UBA5: variants seen among roughly 807,000 people sequenced by gnomAD.
UBA5 encodes ubiquitin like modifier activating enzyme 5, also known as ubiquitin-like modifier-activating enzyme 5.
A neutral mutation model predicts 52.9 loss-of-function variants in UBA5; 28 were observed. The ratio of observed to expected loss-of-function variants is 0.53; its 90% CI spans 0.39 to 0.73. The LOEUF (loss-of-function observed/expected upper bound fraction) is 0.73. Among genes scored for constraint, UBA5 ranks in the 30% least tolerant of loss-of-function variants. UBA5 has a pLI of 0.00. For missense variants in UBA5, 388 were observed against 492.7 expected, an observed-to-expected ratio of 0.79 and a Z score of 2.01; for synonymous variants, 135 against 162.1, an observed-to-expected ratio of 0.83 and a Z score of 1.27.
intron 1 of UBA5, 112 bp from the exon 2 acceptor site, chr3:132,665,711 G>A (rs985060511): frequency 8.5e-6 from 9 of 1,062,696 alleles, no homozygotes; most frequent in Middle Eastern, 3.1e-4. Flanking sequence ...TCTTTGAAAC[G>A]ATTAGTAATG....
At chr3:132,655,201 A>G (rs1476174545) in intron 1 of UBA5, among the ~76,000 whole-genome samples, 2 of 152,320 alleles carry the variant, frequency 1.3e-5, no homozygotes, top group Non-Finnish European at 1.5e-5. Context: ...ACTCTGGTCT[A>G]TGCCACTGAT....
At chr3:132,675,202 T>G (rs1938783371) in intron 8 of UBA5, 46 bp from the exon 9 acceptor site, 1 of 1,419,036 alleles carries the variant, frequency 7.0e-7, no homozygotes, top group African/African-American at 1.4e-5. Context: ...TCTAGTATTT[T>G]TCATGTTTTA....
At chr3:132,666,409 A>G (rs554982809) in intron 3 of UBA5, among the ~76,000 whole-genome samples, 2 of 152,174 alleles carry the variant, frequency 1.3e-5, no homozygotes, top group African/African-American at 4.8e-5. Flanking sequence ...TTTATTAAAC[A>G]TATACCAGGC....
intron 1 of UBA5, among the ~76,000 whole-genome samples, chr3:132,661,426 A>G (rs1938157834): frequency 1.3e-5 from 2 of 152,218 alleles, no homozygotes; most frequent in South Asian, 4.1e-4. Context: ...AAAAATCAGT[A>G]TGTATAAAGG....
chr3:132,665,306 A>C (rs1312088817), intron 1 of UBA5, among the ~76,000 whole-genome samples: 1 of 152,096 alleles, frequency 6.6e-6, no homozygotes, highest in Non-Finnish European at 1.5e-5. Flanking sequence ...GATGAATGGG[A>C]ATTAACCATA....
At chr3:132,673,151 G>A (rs1260752627) in intron 8 of UBA5, among the ~76,000 whole-genome samples, 2 of 152,124 alleles carry the variant, frequency 1.3e-5, no homozygotes, top group African/African-American at 2.4e-5. Context: ...AGTAGGCCCT[G>A]TCTAAACAAA....
rs1938082900 is a variant in UBA5, at chr3:132,660,382, C to T, written c.-156C>T. The T allele has an allele frequency of 4.3e-6, 4 of 932,996 alleles. No homozygotes were observed. Among genetic ancestry groups the T allele is most frequent in the Non-Finnish European group, 6.3e-6 (4 of 636,870 alleles). 57.8% of individuals were successfully genotyped at this position (932,996 alleles called of 1,614,324 possible). ...GTGGGAGTCTCGGAGACGTGTCTGT[C>T]TGTGAGGCGCTGGGTGCACGTCCCC... On this transcript the variant is annotated 5_prime_UTR_variant, in exon 1 of 12. Transcript: ENST00000356232. This position sits in a 1 kb window ranked among gnomAD's most constrained non-coding sequence, Gnocchi z 4.1.
At position 132,672,061 on chromosome 3, in the gene UBA5, A is replaced by G. The variant is rs1938629159; in HGVS notation, c.696A>G (p.Pro232=). ...GESACFACAP[P]LVVAANIDEK... ...TATTTTTCATGTAGTGTGCTCCACCACTTGTAGTTGCTGCAAATATTGATG... is the reference window on the plus strand; with the variant it reads ...TATTTTTCATGTAGTGTGCTCCACCGCTTGTAGTTGCTGCAAATATTGATG... Residue 232 remains proline (P), a synonymous_variant, in exon 8 of 12, where the codon CCA becomes CCG. Coordinates refer to ENST00000356232, the MANE Select transcript of UBA5 (RefSeq NM_024818.6). The G allele has an allele frequency of 2.5e-6, 4 of 1,613,684 alleles. No homozygotes were observed. The highest frequency in any genetic ancestry group is 3.4e-6 in the Non-Finnish European group (4 of 1,179,910).
chr3:132,660,688 A>G lies in UBA5; in HGVS notation c.151A>G (p.Asn51Asp). Reference sequence around the variant, plus strand: ...GATGAGCTCAGAGGTGGTGGATTCGAATCCCTACAGGTAACCTGCGTCGCC... The same window carrying G: ...GATGAGCTCAGAGGTGGTGGATTCGGATCCCTACAGGTAACCTGCGTCGCC... ...EKMSSEVVDS[N>D]PYSRLMALKR... The change falls in exon 1 of 12, where the codon AAT becomes GAT. Residue 51 changes from asparagine to aspartate, a missense_variant. By Grantham distance (23) the Asn-to-Asp change is conservative (BLOSUM62 1). Around this residue, in one of 3 missense-constraint regions of UBA5, gnomAD observed 95 missense variants for 107.0 expected, o/e 0.89. Transcript: ENST00000356232. The surrounding 1 kb of genome is among the most constrained non-coding windows in gnomAD (Gnocchi z 4.1). 6.4e-7 allele frequency: 1 copy of G among 1,569,208 alleles called. No homozygotes were observed. Among genetic ancestry groups the G allele is most frequent in the Non-Finnish European group, 8.6e-7 (1 of 1,156,948 alleles).
At chr3:132,674,093 T>C (rs539184636) in intron 8 of UBA5, among the ~76,000 whole-genome samples, 14 of 152,354 alleles carry the variant, frequency 9.2e-5, no homozygotes, top group Non-Finnish European at 1.6e-4. Flanking sequence ...TTTGATAACT[T>C]TGAGTATCAT....
At chr3:132,656,848 TG>T (rs1358607500), upstream of UBA5, among the ~76,000 whole-genome samples, 6 of 143,316 alleles carry the variant, frequency 4.2e-5, no homozygotes, top group South Asian at 2.2e-4. Context: ...CTCATTGTGT[TG>T]TTTTTTTTTT....
intron 1 of UBA5, among the ~76,000 whole-genome samples, chr3:132,665,312 C>T (rs2107930742): frequency 6.6e-6 from 1 of 152,094 alleles, no homozygotes; most frequent in South Asian, 2.1e-4. Context: ...TGGGAATTAA[C>T]CATAGACTTA....
chr3:132,675,972 TTATC>T, intron 11 of UBA5, 49 bp downstream of exon 11: 1 of 1,201,372 alleles, frequency 8.3e-7, no homozygotes, highest in Non-Finnish European at 1.2e-6. Flanking sequence ...TATAAAATAT[TTATC>T]ATCTTCATTC....
chr3:132,656,230 C>A (rs1341062002), upstream of UBA5, among the ~76,000 whole-genome samples: 1 of 152,188 alleles, frequency 6.6e-6, no homozygotes, highest in Non-Finnish European at 1.5e-5. Flanking sequence ...CATTCTGTAT[C>A]TATAGACATT....
At chr3:132,675,052 A>G (rs1576652559) in intron 8 of UBA5, among the ~76,000 whole-genome samples, 196 bp from the exon 9 acceptor site, 3 of 152,148 alleles carry the variant, frequency 2.0e-5, no homozygotes, top group Non-Finnish European at 4.4e-5. Context: ...CCTTCATTCA[A>G]TAAACACTGA....
At chr3:132,673,682 A>T (rs1311013238) in intron 8 of UBA5, among the ~76,000 whole-genome samples, 39 of 126,842 alleles carry the variant, frequency 3.1e-4, no homozygotes, top group Non-Finnish European at 3.9e-4. Flanking sequence ...TTTTTTTTTT[A>T]AACAGGGTTT....
upstream of UBA5, chr3:132,659,418 A>G (rs1324139910): frequency 2.9e-5 from 21 of 727,762 alleles, no homozygotes; most frequent in Non-Finnish European, 3.4e-5. Flanking sequence ...CCGCCCTCCA[A>G]TTGGGAAGCC....
intron 1 of UBA5, among the ~76,000 whole-genome samples, chr3:132,661,305 T>G (rs1349655315): frequency 6.6e-6 from 1 of 152,188 alleles, no homozygotes; most frequent in Non-Finnish European, 1.5e-5. Context: ...CTAACTACTC[T>G]CTTCGTAACT....
intron 1 of UBA5, among the ~76,000 whole-genome samples, chr3:132,664,442 C>G (rs1467484900): frequency 6.6e-6 from 1 of 151,940 alleles, no homozygotes; most frequent in South Asian, 2.1e-4. Flanking sequence ...TTTGCCGTAC[C>G]CTTTGCAAAA....
Sources: allele counts gnomAD v4.1 joint callset (sites outside exome capture counted in the v4.1 genomes callset), GRCh38; gene constraint gnomAD v4.1.1; regional missense constraint gnomAD v4.1.1; non-coding constraint Gnocchi (gnomAD v3.1); transcripts MANE v1.5; gene names NCBI Gene and HGNC (gene_info 2026-07-23, HGNC 2026-07-21).